Variants in PI4KA observed in about 807,000 individuals in gnomAD.
The protein encoded by PI4KA is phosphatidylinositol 4-kinase alpha, also known as PI4-kinase alpha.
A neutral mutation model predicts 271.4 loss-of-function variants in PI4KA; 122 were observed. The observed-to-expected ratio is 0.45, with a 90% CI of 0.39 to 0.52. The LOEUF (loss-of-function observed/expected upper bound fraction) is 0.52. Among genes scored for constraint, PI4KA ranks in the 20% least tolerant of loss-of-function variants. The probability of loss-of-function intolerance (pLI) is 0.00; values close to 1 mark genes in which losing one functional copy is unlikely to be tolerated. For synonymous variants in PI4KA, 1,041 were observed against 1,078.8 expected, an observed-to-expected ratio of 0.96 and a Z score of 0.69; for missense variants, 1,969 against 2,769.1, an observed-to-expected ratio of 0.71 and a Z score of 6.48.
chr22:20,778,798 A>G (rs1380512585), intron 19 of PI4KA, among the ~76,000 whole-genome samples: 1 of 151,112 alleles, frequency 6.6e-6, no homozygotes, highest in Non-Finnish European at 1.5e-5. Context: ...GGGCACTTCC[A>G]CTCCTACCAC....
intron 23 of PI4KA, among the ~76,000 whole-genome samples, chr22:20,761,043 G>A (rs1931909459): frequency 6.6e-6 from 1 of 152,188 alleles, no homozygotes; most frequent in African/African-American, 2.4e-5. Context: ...GAGGAGCCCT[G>A]GTCCCTCTAG....
At chr22:20,804,949 T>C in intron 11 of PI4KA, 25 bp downstream of exon 11, 8 of 1,576,314 alleles carry the variant, frequency 5.1e-6, no homozygotes, top group Non-Finnish European at 6.9e-6. Context: ...GGAGCTCACA[T>C]GAGAGGCAAG....
intron 19 of PI4KA, chr22:20,784,316 G>A (rs1601489241): frequency 1.9e-5 from 31 of 1,599,094 alleles, no homozygotes; most frequent in Non-Finnish European, 2.7e-5. Flanking sequence ...CTGGAAAATG[G>A]ATCATTTTTT....
intron 19 of PI4KA, among the ~76,000 whole-genome samples, chr22:20,777,303 G>A (rs1477907364): frequency 6.6e-6 from 1 of 150,882 alleles, no homozygotes; most frequent in African/African-American, 2.4e-5. Flanking sequence ...CACAACCTCT[G>A]CCTCCTGAAT....
At chr22:20,801,869 G>A in intron 14 of PI4KA, 104 bp downstream of exon 14, 1 of 1,275,046 alleles carries the variant, frequency 7.8e-7, no homozygotes, top group Admixed American at 1.9e-5. Context: ...CTGGGCAACA[G>A]AGCGAGACTC....
intron 37 of PI4KA, 23 bp downstream of exon 37, chr22:20,729,869 C>A: frequency 6.2e-7 from 1 of 1,613,574 alleles, no homozygotes. Flanking sequence ...TGTGATGGCC[C>A]CAGCAGCACA....
In PI4KA at chr22:20,770,579, G is replaced by GACACAC. The variant is rs528696021; in HGVS notation, c.2329-4892_2329-4887dup. The stretch of plus-strand genomic sequence containing the variant: ...TGCTATGTTGCCCAAGCTGGACACG[G>GACACAC]ACACACACACACACACACACACACA... On this transcript the variant is annotated intron_variant, in intron 19 of 54. Coordinates refer to ENST00000255882, the MANE Select transcript of PI4KA (RefSeq NM_058004.4). Among the ~76,000 whole-genome samples, 563 of 96,048 alleles carry GACACAC rather than the reference G, an allele frequency of 5.9e-3. 3 individuals carry two copies. Among genetic ancestry groups the GACACAC allele is most frequent in the East Asian group, 0.015 (47 of 3,204 alleles). The allele number at this position is 96,048 out of a possible 152,430, so 63.0% of individuals were successfully genotyped here.
chr22:20,802,511 C>A (rs1935388588), intron 13 of PI4KA, among the ~76,000 whole-genome samples: 1 of 152,070 alleles, frequency 6.6e-6, no homozygotes. Context: ...GAGAACCCTC[C>A]CCACTACGGG....
intron 19 of PI4KA, among the ~76,000 whole-genome samples, chr22:20,782,037 T>TA (rs1349440906): frequency 6.6e-6 from 1 of 152,222 alleles, no homozygotes; most frequent in Non-Finnish European, 1.5e-5. Context: ...ATGATATTGT[T>TA]AGTGACATTT....
At chr22:20,857,844 T>A (rs1006483224) in intron 1 of PI4KA, among the ~76,000 whole-genome samples, 1 of 152,240 alleles carries the variant, frequency 6.6e-6, no homozygotes, top group African/African-American at 2.4e-5. Flanking sequence ...GGCACACCAC[T>A]GAGTTGCCTT....
chr22:20,769,972 A>T (rs1345149202), intron 19 of PI4KA, among the ~76,000 whole-genome samples: 2 of 152,170 alleles, frequency 1.3e-5, no homozygotes, highest in Non-Finnish European at 2.9e-5. Context: ...GTGGATATGG[A>T]AAAATATTAA....
chr22:20,819,587 G>A, intron 6 of PI4KA, 54 bp downstream of exon 6: 1 of 1,518,544 alleles, frequency 6.6e-7, no homozygotes, highest in Non-Finnish European at 8.9e-7. Flanking sequence ...TTCTTCGCAG[G>A]GGAGCTTAAC....
intron 37 of PI4KA, 27 bp downstream of exon 37, chr22:20,729,865 G>A (rs1927806330): frequency 1.2e-6 from 2 of 1,613,464 alleles, no homozygotes; most frequent in Admixed American, 3.3e-5. Context: ...TGCATGTGAT[G>A]GCCCCAGCAG....
intron 39 of PI4KA, 59 bp downstream of exon 39, chr22:20,729,254 G>T (rs2147233768): frequency 6.8e-7 from 1 of 1,477,968 alleles, no homozygotes; most frequent in African/African-American, 1.4e-5. Flanking sequence ...CAGCTGGCAA[G>T]CACCCTGCGC....
At chr22:20,795,623 A>C (rs988444834) in intron 18 of PI4KA, among the ~76,000 whole-genome samples, 2 of 152,190 alleles carry the variant, frequency 1.3e-5, no homozygotes, top group African/African-American at 4.8e-5. Flanking sequence ...CCCACGTGAC[A>C]TGCTACTGGG....
At position 20,729,162 on chromosome 22, in the gene PI4KA, G is replaced by A. The variant is rs1007462801; in HGVS notation, c.4682+151C>T. The A allele has an allele frequency of 1.2e-5, 8 of 653,192 alleles. No homozygotes were observed. The African/African-American group carries it at 1.5e-4, about 12-fold the overall frequency. The allele number at this position is 653,192 out of a possible 1,614,324, so 40.5% of individuals were successfully genotyped here. A position where few individuals can be genotyped will look rare whatever the true frequency, so the allele number is the denominator to read the frequency against. The stretch of plus-strand genomic sequence containing the variant: ...TTATCTCTGCACAGAAGGGCTCGGG[G>A]AGTGTCCTGGGGCTCGAGGACTAGA... On this transcript the variant is annotated intron_variant, in intron 39 of 54. Coordinates refer to ENST00000255882, the MANE Select transcript of PI4KA (RefSeq NM_058004.4).
intron 5 of PI4KA, 107 bp from the exon 6 acceptor site, chr22:20,820,007 A>G (rs1922421809): frequency 2.0e-6 from 2 of 983,686 alleles, no homozygotes; most frequent in Non-Finnish European, 3.1e-6. Context: ...CCACCCACTA[A>G]TAACTGTGAA....
chr22:20,765,342 CA>C, intron 20 of PI4KA, 106 bp from the exon 21 acceptor site: 3 of 1,224,202 alleles, frequency 2.5e-6, no homozygotes, highest in Non-Finnish European at 2.3e-6. Context: ...ACAATTATCC[CA>C]AAAACTAGGC....
At chr22:20,714,964 T>G (rs1925790689) in intron 45 of PI4KA, among the ~76,000 whole-genome samples, 1 of 152,242 alleles carries the variant, frequency 6.6e-6, no homozygotes, top group Admixed American at 6.5e-5. Flanking sequence ...GGAGGAGCAC[T>G]GAGCCCCATC....
Sources: gnomAD v4.1 joint callset for allele counts (sites outside exome capture counted in the v4.1 genomes callset) on GRCh38, gnomAD v4.1.1 for gene constraint, MANE v1.5 for transcripts, NCBI Gene and HGNC (gene_info 2026-07-23, HGNC 2026-07-21) for gene names.